Variants in MAP2K6 observed in about 807,000 individuals in gnomAD.
The protein encoded by MAP2K6 is dual specificity mitogen-activated protein kinase kinase 6.
A neutral mutation model predicts 53.7 loss-of-function variants in MAP2K6; 16 were observed. The ratio of observed to expected loss-of-function variants is 0.30; its 90% confidence interval spans 0.20 to 0.45. MAP2K6 has a LOEUF of 0.45. Ranked by LOEUF, MAP2K6 falls within the 20% of genes least tolerant of loss-of-function variation. MAP2K6 has a pLI of 1.00. For missense variants in MAP2K6, 204 were observed against 411.9 expected (o/e 0.50, Z 4.37); for synonymous variants, 132 against 143.1 (o/e 0.92, Z 0.55).
chr17:69,468,119 G>T (rs796732576), intron 1 of MAP2K6, among the ~76,000 whole-genome samples: 21 of 152,248 alleles, frequency 1.4e-4, no homozygotes, highest in African/African-American at 5.1e-4. Flanking sequence ...CAGCCCAAGT[G>T]CACCCCTTCC....
rs1909435490 is a variant in MAP2K6, at chr17:69,505,747, T to C, written c.17-33T>C. On this transcript the variant is annotated intron_variant, in intron 1 of 11. Transcript: ENST00000590474. The stretch of plus-strand genomic sequence containing the variant: ...TCTCTGCTATCTTGCTATGATTTAG[T>C]CCTTAACTTTTTCCTTTTGTCTTTC... 3 of 1,561,536 alleles carry C rather than the reference T, an allele frequency of 1.9e-6. No individual in the cohort carries two copies. The African/African-American group carries it at 4.1e-5, about 21-fold the overall frequency.
rs1911958927 is a variant in MAP2K6, at chr17:69,548,437, T to C, written c.*6684T>C. ...CCAGTGACCGAAGCTTTCTCATTTT[T>C]TTTTCTTCCAGAACAATAGCACACA... On this transcript the variant is annotated 3_prime_UTR_variant, in exon 12 of 12. Transcript: ENST00000590474. The C allele has an allele frequency of 2.0e-5, 3 of 152,186 alleles. No homozygotes were observed. The highest frequency in any genetic ancestry group is 7.2e-5 in the African/African-American group (3 of 41,444). 9.4% of individuals were successfully genotyped at this position (152,186 alleles called of 1,614,324 possible). A position where few individuals can be genotyped will look rare whatever the true frequency, so the allele number is the denominator to read the frequency against.
intron 1 of MAP2K6, among the ~76,000 whole-genome samples, chr17:69,472,126 G>A (rs1026961760): frequency 6.6e-6 from 1 of 152,054 alleles, no homozygotes; most frequent in Non-Finnish European, 1.5e-5. Flanking sequence ...TCAACTTGGT[G>A]TTTTTAAAGA....
intron 9 of MAP2K6, among the ~76,000 whole-genome samples, chr17:69,526,300 A>T (rs927215999): frequency 2.6e-5 from 4 of 152,200 alleles, no homozygotes; most frequent in Non-Finnish European, 4.4e-5. Flanking sequence ...ATTTTTATGA[A>T]GTGCCACAGT....
chr17:69,489,964 A>G (rs1908680685), intron 1 of MAP2K6, among the ~76,000 whole-genome samples: 1 of 152,222 alleles, frequency 6.6e-6, no homozygotes, highest in South Asian at 2.1e-4. Context: ...AAAGAAAGGT[A>G]ACTAGACATT....
chr17:69,511,166 G>A (rs979637653), intron 2 of MAP2K6, among the ~76,000 whole-genome samples: 2 of 152,094 alleles, frequency 1.3e-5, no homozygotes, highest in Admixed American at 1.3e-4. Context: ...ATTTTCCCTC[G>A]TATGGTATTA....
intron 1 of MAP2K6, among the ~76,000 whole-genome samples, chr17:69,426,931 A>G (rs1279811930): frequency 6.6e-6 from 1 of 152,232 alleles, no homozygotes; most frequent in Non-Finnish European, 1.5e-5. Flanking sequence ...GCAATAGGTG[A>G]ATAAATGGAA....
At chr17:69,530,184 G>A (rs1417253478) in intron 10 of MAP2K6, among the ~76,000 whole-genome samples, 2 of 152,074 alleles carry the variant, frequency 1.3e-5, no homozygotes, top group Admixed American at 6.5e-5. Flanking sequence ...GTGTGGTGGT[G>A]TGCACCTGGG....
rs138090646 is a variant in MAP2K6, at chr17:69,432,752, C to T, written c.16+17752C>T. Among the ~76,000 whole-genome samples, 609 of 150,284 alleles carry T rather than the reference C, an allele frequency of 4.1e-3. 3 individuals are homozygous for T. The highest frequency in any genetic ancestry group is 0.014 in the African/African-American group (587 of 40,768). On this transcript the variant is annotated intron_variant, in intron 1 of 11. Coordinates refer to ENST00000590474, the MANE Select transcript of MAP2K6 (RefSeq NM_002758.4). The stretch of plus-strand genomic sequence containing the variant: ...ATGGGTGCAGCAAACCACCATTGCA[C>T]ACGTTTACCTATGTAACAAACCTGC...
intron 1 of MAP2K6, among the ~76,000 whole-genome samples, chr17:69,419,392 G>A (rs944555206): frequency 1.3e-5 from 2 of 152,022 alleles, no homozygotes; most frequent in Non-Finnish European, 2.9e-5. Flanking sequence ...ATATTTAGAC[G>A]TGCCCATTCT....
chr17:69,541,280 T>C (rs1035878386), intron 11 of MAP2K6, among the ~76,000 whole-genome samples: 7 of 152,068 alleles, frequency 4.6e-5, no homozygotes, highest in South Asian at 2.1e-4. Flanking sequence ...AAAAAGTACA[T>C]ACACCTATGA....
chr17:69,502,733 CAG>C (rs990589563), intron 1 of MAP2K6: 78 of 983,022 alleles, frequency 7.9e-5, no homozygotes, highest in Middle Eastern at 1.0e-3. Flanking sequence ...CTGGGTGTAA[CAG>C]TGATCTGGGG....
At chr17:69,438,197 T>C (rs1906708730) in intron 1 of MAP2K6, among the ~76,000 whole-genome samples, 1 of 152,166 alleles carries the variant, frequency 6.6e-6, no homozygotes, top group South Asian at 2.1e-4. Flanking sequence ...TACCAATAGC[T>C]ATGGGACTGG....
chr17:69,479,538 T>A (rs965923841), intron 1 of MAP2K6, among the ~76,000 whole-genome samples: 2 of 151,744 alleles, frequency 1.3e-5, no homozygotes, highest in African/African-American at 4.9e-5. Context: ...AAAAAAAAAA[T>A]TCAAAACACT....
chr17:69,415,265 A>G (rs144203598), intron 1 of MAP2K6, among the ~76,000 whole-genome samples: 2 of 152,314 alleles, frequency 1.3e-5, no homozygotes, highest in East Asian at 3.9e-4. Flanking sequence ...CACAGTCAGG[A>G]GAGACAGAGC....
In MAP2K6 at chr17:69,461,304, A is replaced by G. The variant is rs369278021; in HGVS notation, c.17-44476A>G. 3.9e-5 allele frequency among the ~76,000 whole-genome samples: 6 copies of G among 152,274 alleles called. No individual in the cohort carries two copies. In the East Asian group the frequency reaches 9.7e-4, roughly 25 times the overall value. On this transcript the variant is annotated intron_variant, in intron 1 of 11. Coordinates refer to ENST00000590474, the MANE Select transcript of MAP2K6 (RefSeq NM_002758.4). Reference sequence around the variant, plus strand: ...GTGTCCTCACTGCTCTGTATGTGACATGGTTTCTAAACCACTCACCTGCCC... The same window carrying G: ...GTGTCCTCACTGCTCTGTATGTGACGTGGTTTCTAAACCACTCACCTGCCC...
chr17:69,530,279 C>T (rs11869553), intron 10 of MAP2K6, among the ~76,000 whole-genome samples: 21,319 of 152,018 alleles, frequency 0.14, 1,833 homozygotes, highest in Middle Eastern at 0.25. Flanking sequence ...TGTCCCACTG[C>T]ACTCCAGCCT....
intron 1 of MAP2K6, among the ~76,000 whole-genome samples, chr17:69,448,052 G>A (rs1323812533): frequency 6.6e-6 from 1 of 152,140 alleles, no homozygotes; most frequent in Non-Finnish European, 1.5e-5. Context: ...GTTAGCCTGG[G>A]ACTGAAACAG....
chr17:69,495,331 G>A (rs943139437), intron 1 of MAP2K6, among the ~76,000 whole-genome samples: 2 of 151,866 alleles, frequency 1.3e-5, no homozygotes, highest in Non-Finnish European at 2.9e-5. Flanking sequence ...CACCTTCCAG[G>A]TTCAAGTGAT....
Sources: allele counts gnomAD v4.1 joint callset (sites outside exome capture counted in the v4.1 genomes callset), GRCh38; gene constraint gnomAD v4.1.1; transcripts MANE v1.5; gene names NCBI Gene and HGNC (gene_info 2026-07-23, HGNC 2026-07-21).